SUGCT: variants seen among roughly 807,000 people sequenced by gnomAD.
SUGCT encodes the protein succinyl-CoA:glutarate-CoA transferase.
A neutral mutation model predicts 55.0 loss-of-function variants in SUGCT; 41 were observed. The observed-to-expected ratio is 0.74, with a 90% CI of 0.58 to 0.97. The LOEUF is 0.97. Ranked by LOEUF, SUGCT falls within the 50% of genes least tolerant of loss-of-function variation. SUGCT has a pLI of 0.00. For synonymous variants in SUGCT, 187 were observed against 200.4 expected, an observed-to-expected ratio of 0.93 and a Z score of 0.56; for missense variants, 568 against 547.8, an observed-to-expected ratio of 1.04 and a Z score of -0.37.
rs182364955 is a variant in SUGCT, at chr7:40,225,541, A to C, written c.485-12094A>C. On this transcript the variant is annotated intron_variant, in intron 6 of 13. Transcript: ENST00000335693. Reference sequence around the variant, plus strand: ...AACCTCTGCCTGCCGGGTATAAGCGATTCTCCTGCCTCACCCTCCAAGTAG... The same window carrying C: ...AACCTCTGCCTGCCGGGTATAAGCGCTTCTCCTGCCTCACCCTCCAAGTAG... Among the ~76,000 whole-genome samples the C allele has an allele frequency of 1.2e-3, 182 of 150,782 alleles. 2 individuals carry two copies. The highest frequency in any genetic ancestry group is 4.3e-3 in the African/African-American group (176 of 40,952).
chr7:40,810,909 C>T (rs1429093475), intron 13 of SUGCT, among the ~76,000 whole-genome samples: 1 of 152,114 alleles, frequency 6.6e-6, no homozygotes, highest in Non-Finnish European at 1.5e-5. Flanking sequence ...ACATTTAAAT[C>T]TTTAATCCAT....
chr7:40,709,066 A>C (rs1424487108), intron 12 of SUGCT, among the ~76,000 whole-genome samples: 1 of 152,234 alleles, frequency 6.6e-6, no homozygotes, highest in African/African-American at 2.4e-5. Context: ...AAAATTGTAC[A>C]ATAAGTATCT....
At chr7:40,456,652 G>A (rs1454292223) in intron 10 of SUGCT, among the ~76,000 whole-genome samples, 3 of 152,008 alleles carry the variant, frequency 2.0e-5, no homozygotes, top group Non-Finnish European at 2.9e-5. Context: ...TGTGATGGGG[G>A]TAGGGTAATC....
At chr7:40,193,291 T>G (rs1786035838) in intron 5 of SUGCT, among the ~76,000 whole-genome samples, 1 of 141,652 alleles carries the variant, frequency 7.1e-6, no homozygotes, top group Non-Finnish European at 1.5e-5. Context: ...TTTTTTTTTT[T>G]TTTTTTTTTT....
chr7:40,718,852 A>G (rs546031320), intron 12 of SUGCT, among the ~76,000 whole-genome samples: 4 of 152,246 alleles, frequency 2.6e-5, no homozygotes, highest in African/African-American at 4.8e-5. Flanking sequence ...ATCAGATACT[A>G]TACAAATATT....
At chr7:40,299,996 G>C (rs1317025938) in intron 8 of SUGCT, among the ~76,000 whole-genome samples, 2 of 152,108 alleles carry the variant, frequency 1.3e-5, no homozygotes, top group Admixed American at 6.5e-5. Flanking sequence ...TGCCGTCTAG[G>C]GGGGTTGTTT....
chr7:40,340,182 A>G (rs559330532), intron 9 of SUGCT, among the ~76,000 whole-genome samples: 1 of 152,342 alleles, frequency 6.6e-6, no homozygotes, highest in African/African-American at 2.4e-5. Flanking sequence ...ACACTATACA[A>G]CTGAAAAAAG....
intron 12 of SUGCT, among the ~76,000 whole-genome samples, chr7:40,537,465 A>G (rs990330387): frequency 2.0e-5 from 3 of 152,238 alleles, no homozygotes; most frequent in Non-Finnish European, 4.4e-5. Flanking sequence ...AATTCTGAAT[A>G]CATACCATGC....
chr7:41,013,492 G>A, the SUGCT span, among the ~76,000 whole-genome samples: 1 of 152,224 alleles, frequency 6.6e-6, no homozygotes, highest in Non-Finnish European at 1.5e-5. Context: ...CTGAGGAGGA[G>A]CATTGGCTGA....
At chr7:40,803,867 G>A (rs975253665) in intron 13 of SUGCT, among the ~76,000 whole-genome samples, 1 of 152,122 alleles carries the variant, frequency 6.6e-6, no homozygotes, top group African/African-American at 2.4e-5. Flanking sequence ...AAAATATATT[G>A]TTACAATCTA....
the SUGCT span, among the ~76,000 whole-genome samples, chr7:40,998,732 T>C: frequency 6.6e-6 from 1 of 152,192 alleles, no homozygotes; most frequent in African/African-American, 2.4e-5. Context: ...GAAAGGTTGC[T>C]CTACAATGAG....
chr7:40,512,161 A>G (rs1290752964), intron 12 of SUGCT, among the ~76,000 whole-genome samples: 1 of 152,210 alleles, frequency 6.6e-6, no homozygotes, highest in East Asian at 1.9e-4. Context: ...GTCTCATTTA[A>G]CTTTTTTGAA....
At chr7:40,358,449 A>G (rs952511147) in intron 9 of SUGCT, among the ~76,000 whole-genome samples, 2 of 152,200 alleles carry the variant, frequency 1.3e-5, no homozygotes, top group Non-Finnish European at 2.9e-5. Context: ...GCAGTGGCTC[A>G]TGCCTGTAAT....
At chr7:40,560,196 G>A (rs1217401075) in intron 12 of SUGCT, among the ~76,000 whole-genome samples, 1 of 152,180 alleles carries the variant, frequency 6.6e-6, no homozygotes, top group African/African-American at 2.4e-5. Context: ...TTTATCACAT[G>A]AGTGTTTAGT....
chr7:40,902,301 G>T, the SUGCT span, among the ~76,000 whole-genome samples: 3 of 152,030 alleles, frequency 2.0e-5, no homozygotes, highest in Non-Finnish European at 2.9e-5. Flanking sequence ...AAAACCAGCC[G>T]GGTGTGGTGG....
intron 9 of SUGCT, among the ~76,000 whole-genome samples, chr7:40,338,303 A>G (rs1245531843): frequency 1.3e-5 from 2 of 152,016 alleles, no homozygotes; most frequent in Non-Finnish European, 2.9e-5. Context: ...CTGCCTTGCT[A>G]GGTTGGGGAA....
chr7:40,158,749 CAAATAAATAAATAAGTA>C (rs943962274), intron 1 of SUGCT, among the ~76,000 whole-genome samples: 8 of 151,978 alleles, frequency 5.3e-5, no homozygotes, highest in African/African-American at 1.9e-4. Flanking sequence ...GAGTCTGTCT[CAAATAAATAAATAAGTA>C]AAATAAATAA....
intron 1 of SUGCT, among the ~76,000 whole-genome samples, chr7:40,159,013 T>C (rs971402315): frequency 3.3e-5 from 5 of 152,210 alleles, no homozygotes; most frequent in South Asian, 2.1e-4. Flanking sequence ...CCTCACTGGC[T>C]CAAGTGATCC....
At chr7:40,549,531 A>C (rs953569356) in intron 12 of SUGCT, among the ~76,000 whole-genome samples, 1 of 152,208 alleles carries the variant, frequency 6.6e-6, no homozygotes, top group South Asian at 2.1e-4. Context: ...TTGGACACAC[A>C]CAACTCTCTA....
Sources: gnomAD v4.1 joint callset for allele counts (sites outside exome capture counted in the v4.1 genomes callset) on GRCh38, gnomAD v4.1.1 for gene constraint, MANE v1.5 for transcripts, NCBI Gene and HGNC (gene_info 2026-07-23, HGNC 2026-07-21) for gene names.